The following SLC7A14 variants were observed in gnomAD, a reference collection of about 807,000 sequenced individuals.
SLC7A14 encodes gamma-aminobutyric acid transporter SLC7A14.
In SLC7A14, 37 loss-of-function variants were observed where a neutral mutation model predicts 60.2. The observed-to-expected ratio is 0.61, with a 90% confidence interval of 0.47 to 0.81. The LOEUF is 0.81. SLC7A14 is among the 30% of genes least tolerant of loss of function. The pLI is 0.00. For missense variants in SLC7A14, 886 were observed against 982.7 expected, an observed-to-expected ratio of 0.90 and a Z score of 1.32; for synonymous variants, 399 against 395.8, an observed-to-expected ratio of 1.01 and a Z score of -0.10.
chr3:170,500,613 A>C lies in SLC7A14; in HGVS notation c.541+496T>G, dbSNP rs545713873. 5.9e-5 allele frequency among the ~76,000 whole-genome samples: 9 copies of C among 152,092 alleles called. No homozygotes were observed. The South Asian group carries it at 1.7e-3, about 28-fold the overall frequency. ...TTATTCATTAAATTTTTTTTCATTGAAATTTGGAAAAAAAATCTGATGAAA... is the reference window on the plus strand; with the variant it reads ...TTATTCATTAAATTTTTTTTCATTGCAATTTGGAAAAAAAATCTGATGAAA... On this transcript the variant is annotated intron_variant, in intron 3 of 7. Transcript: ENST00000231706.
chr3:170,468,303 TC>T (rs987733681), intron 7 of SLC7A14, among the ~76,000 whole-genome samples: 13 of 152,056 alleles, frequency 8.5e-5, no homozygotes, highest in South Asian at 4.1e-4. Context: ...CTTTTTCTTT[TC>T]TTTTTTTTTT....
At chr3:170,567,458 G>A (rs1484495213) in intron 1 of SLC7A14, among the ~76,000 whole-genome samples, 13 of 151,462 alleles carry the variant, frequency 8.6e-5, no homozygotes, top group South Asian at 2.1e-4. Context: ...GAATAGTGCC[G>A]CAGTAAACAT....
At chr3:170,557,676 A>G (rs901375562) in intron 1 of SLC7A14, among the ~76,000 whole-genome samples, 1 of 152,184 alleles carries the variant, frequency 6.6e-6, no homozygotes, top group African/African-American at 2.4e-5. Context: ...AGCTTTCCAC[A>G]TCTCAGTTTC....
rs1739663134 is a variant in SLC7A14, at chr3:170,464,123, C to T, written c.*2932G>A. The T allele has an allele frequency of 6.6e-6, 1 of 152,092 alleles. No individual in the cohort carries two copies. Among genetic ancestry groups the T allele is most frequent in the East Asian group, 1.9e-4 (1 of 5,196 alleles). 9.4% of individuals were successfully genotyped at this position (152,092 alleles called of 1,614,324 possible). ...TTCTATTTTTGTTTGCTCTGAGTTCCTCACTTAATTTTTGTTTTGTATTAT... is the reference window on the plus strand; with the variant it reads ...TTCTATTTTTGTTTGCTCTGAGTTCTTCACTTAATTTTTGTTTTGTATTAT... On this transcript the variant is annotated 3_prime_UTR_variant, in exon 8 of 8. Coordinates refer to ENST00000231706, the MANE Select transcript of SLC7A14 (RefSeq NM_020949.3).
At chr3:170,478,924 A>G (rs1218941209) in intron 7 of SLC7A14, among the ~76,000 whole-genome samples, 1 of 151,934 alleles carries the variant, frequency 6.6e-6, no homozygotes, top group African/African-American at 2.4e-5. Flanking sequence ...GAGTTCGAGA[A>G]CAGCCTGGCC....
chr3:170,527,021 G>T lies in SLC7A14; in HGVS notation c.-85C>A, dbSNP rs772680558. 21 of 1,409,460 alleles carry T rather than the reference G, an allele frequency of 1.5e-5. No individual in the cohort carries two copies. Among genetic ancestry groups the T allele is most frequent in the Admixed American group, 2.3e-5 (1 of 44,204 alleles). 87.3% of individuals were successfully genotyped at this position (1,409,460 alleles called of 1,614,324 possible). ...TGGATGGTTCTGGAACTCATCTAGT[G>T]AACAGGGATCTCCCTTTTAGGAAAG... On this transcript the variant is annotated 5_prime_UTR_variant, in exon 2 of 8. Transcript: ENST00000231706.
At chr3:170,543,243 C>T (rs906447031) in intron 1 of SLC7A14, among the ~76,000 whole-genome samples, 1 of 152,170 alleles carries the variant, frequency 6.6e-6, no homozygotes, top group African/African-American at 2.4e-5. Context: ...TTTATGCCTC[C>T]TCCGGAAGAG....
At chr3:170,480,158 A>T in intron 7 of SLC7A14, 131 bp downstream of exon 7, 3 of 873,822 alleles carry the variant, frequency 3.4e-6, no homozygotes, top group Non-Finnish European at 5.0e-6. Context: ...TAGGCGGAAC[A>T]CAAGGGTCCA....
rs1273127518 is a variant in SLC7A14, at chr3:170,466,379, T to G, written c.*676A>C. On this transcript the variant is annotated 3_prime_UTR_variant, in exon 8 of 8. Coordinates refer to ENST00000231706, the MANE Select transcript of SLC7A14 (RefSeq NM_020949.3). ...GGTTATTTAATTTTCTTCTGGGCAT[T>G]TACATAGAGCTTTGATGGTGCTTCT... 2 of 152,182 alleles carry G rather than the reference T, an allele frequency of 1.3e-5. No individual in the cohort carries two copies. Among genetic ancestry groups the G allele is most frequent in the Non-Finnish European group, 2.9e-5 (2 of 68,036 alleles). 9.4% of individuals were successfully genotyped at this position (152,182 alleles called of 1,614,324 possible).
At chr3:170,486,117 G>A in intron 5 of SLC7A14, 105 bp downstream of exon 5, 1 of 1,430,148 alleles carries the variant, frequency 7.0e-7, no homozygotes, top group Non-Finnish European at 9.4e-7. Flanking sequence ...GGGGACAAAA[G>A]ACAGACACCA....
At chr3:170,525,445 G>A (rs772354864) in intron 2 of SLC7A14, among the ~76,000 whole-genome samples, 22 of 152,240 alleles carry the variant, frequency 1.4e-4, no homozygotes, top group Non-Finnish European at 2.8e-4. Context: ...CTATAAATCT[G>A]TGGAGGTGTT....
chr3:170,492,459 C>T (rs963939633), intron 4 of SLC7A14, among the ~76,000 whole-genome samples: 6 of 152,006 alleles, frequency 3.9e-5, no homozygotes, highest in Non-Finnish European at 8.8e-5. Flanking sequence ...GAGCTGTGAT[C>T]GCACCACTGC....
chr3:170,529,287 TATATC>T (rs2108294917), intron 1 of SLC7A14, among the ~76,000 whole-genome samples: 1 of 152,360 alleles, frequency 6.6e-6, no homozygotes, highest in Non-Finnish European at 1.5e-5. Flanking sequence ...TTATAAATGT[TATATC>T]ATTTATTCTG....
Position 170,552,900 on chromosome 3 carries a change from T to C in SLC7A14, c.-152-25812A>G, listed in dbSNP as rs545639030. 3.9e-5 allele frequency among the ~76,000 whole-genome samples: 6 copies of C among 152,274 alleles called. No homozygotes were observed. The South Asian group carries it at 1.2e-3, about 32-fold the overall frequency. On this transcript the variant is annotated intron_variant, in intron 1 of 7. Transcript: ENST00000231706. ...CTTATCAGCTTGATCACCTTCCAAA[T>C]CCTTTTCCTACATTCCACCTAGCCT...
intron 1 of SLC7A14, among the ~76,000 whole-genome samples, chr3:170,582,503 G>C (rs1715264507): frequency 6.6e-6 from 1 of 152,150 alleles, no homozygotes; most frequent in African/African-American, 2.4e-5. Context: ...GGACAGAGCA[G>C]TTCTAGACAG....
chr3:170,492,927 C>G (rs571546284), intron 4 of SLC7A14, among the ~76,000 whole-genome samples: 76 of 152,246 alleles, frequency 5.0e-4, no homozygotes, highest in African/African-American at 1.8e-3. Flanking sequence ...CAGCCTGTCC[C>G]CAGTGACAGT....
intron 7 of SLC7A14, among the ~76,000 whole-genome samples, chr3:170,469,184 C>T (rs1055302589): frequency 7.2e-5 from 11 of 152,194 alleles, no homozygotes; most frequent in African/African-American, 2.4e-4. Flanking sequence ...CTGCAGGCTT[C>T]TGCTGGGCTG....
chr3:170,550,668 C>G (rs1356743316), intron 1 of SLC7A14, among the ~76,000 whole-genome samples: 1 of 151,440 alleles, frequency 6.6e-6, no homozygotes, highest in Non-Finnish European at 1.5e-5. Flanking sequence ...ATTACAGGTT[C>G]CTGCCACCAT....
intron 1 of SLC7A14, among the ~76,000 whole-genome samples, chr3:170,547,289 T>C (rs1183188894): frequency 6.6e-6 from 1 of 152,186 alleles, no homozygotes; most frequent in Non-Finnish European, 1.5e-5. Flanking sequence ...AAACAAAAAA[T>C]ATATACCAAT....
Sources: gnomAD v4.1 joint callset for allele counts (sites outside exome capture counted in the v4.1 genomes callset) on GRCh38, gnomAD v4.1.1 for gene constraint, MANE v1.5 for transcripts, NCBI Gene and HGNC (gene_info 2026-07-23, HGNC 2026-07-21) for gene names.